The following SYNE2 variants were observed in gnomAD, a reference collection of about 807,000 sequenced individuals.
SYNE2 encodes the protein nesprin-2.
In SYNE2, 431 loss-of-function variants were observed where a neutral mutation model predicts 856.3. The ratio of observed to expected loss-of-function variants is 0.50; its 90% CI spans 0.47 to 0.55. The LOEUF (loss-of-function observed/expected upper bound fraction) is 0.55, where lower values mean the gene tolerates loss of function less well. SYNE2 is among the 20% of genes least tolerant of loss of function. SYNE2 has a pLI of 0.00. For synonymous variants in SYNE2, 2,923 were observed against 2,872.3 expected (o/e 1.02, Z -0.56); for missense variants, 8,129 against 8,023.2 (o/e 1.01, Z -0.50).
chr14:64,161,799 G>T (rs2098332072), intron 87 of SYNE2, among the ~76,000 whole-genome samples: 1 of 151,190 alleles, frequency 6.6e-6, no homozygotes, highest in Non-Finnish European at 1.5e-5. Flanking sequence ...TAAAAAAAGA[G>T]AGTGAAACAT....
In SYNE2 at chr14:63,990,569, G is replaced by A. The variant is rs760909392; in HGVS notation, c.2472G>A (p.Gln824=). Residue 824 remains glutamine (Q), a splice_region_variant and synonymous_variant, in exon 20 of 116, where the codon CAG becomes CAA. Transcript: ENST00000555002. The stretch of plus-strand genomic sequence containing the variant: ...TTCAAGAAGCTAAAGAGAAAGTCCA[G>A]GTCTCTCTTTAATATTCCCTATTTA... ...AKIQEAKEKV[Q]INVVKLIAAL... The A allele has an allele frequency of 1.1e-5, 18 of 1,613,374 alleles. No individual in the cohort carries two copies. In the Admixed American group the frequency reaches 2.2e-4, roughly 19 times the overall value.
intron 101 of SYNE2, chr14:64,209,164 G>C: frequency 1.2e-6 from 1 of 820,616 alleles, no homozygotes; most frequent in Non-Finnish European, 1.9e-6. Context: ...CTGTGGACTG[G>C]CCGCTGTGCT....
chr14:63,803,003 G>T (rs1482255520), intron 1 of SYNE2, among the ~76,000 whole-genome samples: 1 of 152,174 alleles, frequency 6.6e-6, no homozygotes, highest in Admixed American at 6.5e-5. Flanking sequence ...CCACAGTGTG[G>T]AAGGGCACCT....
upstream of SYNE2, among the ~76,000 whole-genome samples, chr14:63,850,035 AATACAGAGGATTG>A (rs1331862144): frequency 2.6e-5 from 4 of 151,902 alleles, no homozygotes; most frequent in African/African-American, 7.3e-5. Flanking sequence ...TTTGTTATAA[AATACAGAGGATTG>A]ATGGGGCATG....
At chr14:64,039,871 A>T (rs2097134087) in intron 45 of SYNE2, among the ~76,000 whole-genome samples, 1 of 152,188 alleles carries the variant, frequency 6.6e-6, no homozygotes, top group South Asian at 2.1e-4. Context: ...CAGAATAGAC[A>T]CGGGCCCTTG....
chr14:63,988,004 T>TA (rs1390376763), intron 19 of SYNE2, among the ~76,000 whole-genome samples: 1 of 152,238 alleles, frequency 6.6e-6, no homozygotes, highest in Non-Finnish European at 1.5e-5. Context: ...AAAATATCTG[T>TA]AAAGATATAC....
rs140243093 is a variant in SYNE2, at chr14:64,087,716, A to G, written c.11530A>G (p.Ile3844Val). The change falls in exon 58 of 116, where the codon ATC becomes GTC. Residue 3844 changes from isoleucine (I) to valine (V), a missense_variant. By Grantham distance (29) the Ile-to-Val change is conservative. Around this residue, in one of 3 missense-constraint regions of SYNE2, gnomAD observed 5,410 missense variants for 5,284.8 expected, o/e 1.02. Coordinates refer to ENST00000555002, the MANE Select transcript of SYNE2 (RefSeq NM_182914.3). Reference sequence around the variant, plus strand: ...ACAGAAGCACAATCTTTTACATTCAATCTTTATGGATCTAGAAGACCTGTC... The same window carrying G: ...ACAGAAGCACAATCTTTTACATTCAGTCTTTATGGATCTAGAAGACCTGTC... Reference protein sequence around the residue: ...SEQKHNLLHSIFMDLEDLSII... With the variant: ...SEQKHNLLHSVFMDLEDLSII... 492 of 1,614,120 alleles carry G rather than the reference A, an allele frequency of 3.0e-4. 2 individuals carry two copies. In the African/African-American group the frequency reaches 5.3e-3, roughly 17 times the overall value.
At chr14:64,224,258 G>A (rs555155474) in intron 113 of SYNE2, among the ~76,000 whole-genome samples, 1 of 151,862 alleles carries the variant, frequency 6.6e-6, no homozygotes, top group African/African-American at 2.4e-5. Flanking sequence ...AGGAGGCTGA[G>A]GTAGAAGGAT....
chr14:63,785,239 A>G (rs1411001486), intron 1 of SYNE2, among the ~76,000 whole-genome samples: 1 of 151,968 alleles, frequency 6.6e-6, no homozygotes, highest in African/African-American at 2.4e-5. Flanking sequence ...CGGGCAGATC[A>G]TCTGAGCTCA....
At position 63,990,524 on chromosome 14, in the gene SYNE2, A is replaced by G. The variant is rs1487742471; in HGVS notation, c.2427A>G (p.Thr809=). ...AGGAGTCCTTTCAACATGTTCTCAC[A>G]ACTGGGCTTCAGGCAAAGATTCAAG... ...SSQESFQHVL[T]TGLQAKIQEA... Residue 809 remains threonine, a synonymous_variant, in exon 20 of 116, where the codon ACA becomes ACG. Transcript: ENST00000555002. The G allele has an allele frequency of 1.2e-6, 2 of 1,613,966 alleles. No homozygotes were observed. The highest frequency in any genetic ancestry group is 1.7e-6 in the Non-Finnish European group (2 of 1,179,946).
intron 2 of SYNE2, among the ~76,000 whole-genome samples, chr14:63,925,002 C>T (rs1029461104): frequency 4.6e-5 from 7 of 151,966 alleles, no homozygotes; most frequent in African/African-American, 1.7e-4. Context: ...TGTTCTTCAT[C>T]ACATTAAGAA....
chr14:63,879,225 G>T (rs1176218169), intron 1 of SYNE2, among the ~76,000 whole-genome samples: 1 of 152,198 alleles, frequency 6.6e-6, no homozygotes, highest in Non-Finnish European at 1.5e-5. Context: ...CTCCTTTTGT[G>T]CAAGTTTTAT....
rs941872179 is a variant in SYNE2 at position 63,982,457 on chromosome 14, G to C, written c.1837-173G>C. Among the ~76,000 whole-genome samples the C allele has an allele frequency of 2.0e-5, 3 of 147,510 alleles. No homozygotes were observed. In the Admixed American group the frequency reaches 2.1e-4, roughly 10 times the overall value. On this transcript the variant is annotated intron_variant, in intron 16 of 115. Coordinates refer to ENST00000555002, the MANE Select transcript of SYNE2 (RefSeq NM_182914.3). ...GCTTAGAATTAGTCTTGGTGCGGAG[G>C]TTGCAATGACCTTGATTGCGCCACT...
In SYNE2 at chr14:63,997,327, G is replaced by T; in HGVS notation, c.3179G>T (p.Arg1060Ile). 6.2e-7 allele frequency: 1 copy of T among 1,613,682 alleles called. No homozygotes were observed. Among genetic ancestry groups the T allele is most frequent in the South Asian group, 1.1e-5 (1 of 90,894 alleles). Residue 1060 changes from arginine (R) to isoleucine (I), a missense_variant, in exon 25 of 116, where the codon AGA (arginine) becomes ATA (isoleucine). Arg to Ile is a moderately conservative substitution (Grantham distance 97). Coordinates refer to ENST00000555002, the MANE Select transcript of SYNE2 (RefSeq NM_182914.3). ...NEGTITTSENRGGDPHSEAPF... is the reference protein window; with the variant it reads ...NEGTITTSENIGGDPHSEAPF... ...GGGACCATCACCACATCTGAGAATA[G>T]AGGAGGGGATCCCCACAGTGAGGCA...
rs143318951 is a variant in SYNE2, at chr14:64,016,458, A to G, written c.4729-15A>G. 18 of 1,519,844 alleles carry G rather than the reference A, an allele frequency of 1.2e-5. No individual in the cohort carries two copies. The highest frequency in any genetic ancestry group is 6.9e-5 in the African/African-American group (5 of 72,318). 94.1% of individuals were successfully genotyped at this position (1,519,844 alleles called of 1,614,324 possible). On this transcript the variant is annotated splice_polypyrimidine_tract_variant and intron_variant, in intron 32 of 115. Transcript: ENST00000555002. ...TATCAAAATATCAGAAATAACTTTC[A>G]TATCTTTTTTACAGATTGAAATTGT...
intron 1 of SYNE2, among the ~76,000 whole-genome samples, chr14:63,818,344 CAAA>C (rs34448523): frequency 0.54 from 46,383 of 85,314 alleles, 9,794 homozygotes; most frequent in South Asian, 0.65. Flanking sequence ...GACTCCGTCT[CAAA>C]AAAAAAAAAA....
chr14:64,109,908 G>C (rs1479224959), intron 65 of SYNE2, among the ~76,000 whole-genome samples: 1 of 152,154 alleles, frequency 6.6e-6, no homozygotes, highest in East Asian at 1.9e-4. Flanking sequence ...AATGATAATT[G>C]CATAATTTTT....
chr14:63,859,775 C>T (rs1421591867), intron 1 of SYNE2, among the ~76,000 whole-genome samples: 5 of 152,146 alleles, frequency 3.3e-5, no homozygotes, highest in South Asian at 2.1e-4. Context: ...GAGATCATGA[C>T]GCTGCAGTCC....
rs780777089 is a variant in SYNE2 at position 64,002,942 on chromosome 14, C to G, written c.4009C>G (p.Leu1337Val). Reference protein sequence around the residue: ...DFLASLRTAKLSAEPVTDLSA... With the variant: ...DFLASLRTAKVSAEPVTDLSA... Reference sequence around the variant, plus strand: ...TTTGGCGTCTCTCAGAACAGCTAAACTCTCTGCTGAGCCCGTTACAGACCT... The same window carrying G: ...TTTGGCGTCTCTCAGAACAGCTAAAGTCTCTGCTGAGCCCGTTACAGACCT... Residue 1337 changes from leucine (L) to valine (V), a missense_variant, in exon 30 of 116, where the codon CTC (leucine) becomes GTC (valine). Leu to Val is a conservative substitution (Grantham distance 32). This residue lies in a region of SYNE2 where 2,422 missense variants were observed against 2,357.4 expected (regional missense o/e 1.03). Coordinates refer to ENST00000555002, the MANE Select transcript of SYNE2 (RefSeq NM_182914.3). 20 of 1,614,108 alleles carry G rather than the reference C, an allele frequency of 1.2e-5. No homozygotes were observed. The highest frequency in any genetic ancestry group is 1.7e-5 in the Admixed American group (1 of 60,006).
Sources: allele counts gnomAD v4.1 joint callset (sites outside exome capture counted in the v4.1 genomes callset), GRCh38; gene constraint gnomAD v4.1.1; regional missense constraint gnomAD v4.1.1; transcripts MANE v1.5; gene names NCBI Gene and HGNC (gene_info 2026-07-23, HGNC 2026-07-21).